ZNF831: variants seen among roughly 807,000 people sequenced by gnomAD.
The protein encoded by ZNF831 is chromosome 20 open reading frame 174.
In ZNF831, 59 loss-of-function variants were observed where a neutral mutation model predicts 95.8. The ratio of observed to expected loss-of-function variants is 0.62; its 90% confidence interval spans 0.50 to 0.77. The LOEUF is 0.77. Among genes scored for constraint, ZNF831 ranks in the 30% least tolerant of loss-of-function variants. The pLI is 0.00. For synonymous variants in ZNF831, 961 were observed against 925.5 expected (o/e 1.04, Z -0.70); for missense variants, 2,205 against 2,164.0 (o/e 1.02, Z -0.38).
intron 1 of ZNF831, among the ~76,000 whole-genome samples, chr20:59,175,397 G>A (rs1982070395): frequency 6.6e-6 from 1 of 151,846 alleles, no homozygotes; most frequent in South Asian, 2.1e-4. Context: ...AGTGCCATGG[G>A]TCCCTGAGGC....
intron 1 of ZNF831, among the ~76,000 whole-genome samples, chr20:59,190,224 A>G (rs1292926143): frequency 6.6e-6 from 1 of 152,226 alleles, no homozygotes; most frequent in African/African-American, 2.4e-5. Flanking sequence ...GATCAAATAC[A>G]GGATGCCCAG....
chr20:59,193,852 T>G lies in ZNF831; in HGVS notation c.2833T>G (p.Leu945Val), dbSNP rs925884993. ...CTTTTCCCCCAAGTACCTCCTCAGG[T>G]TACCTCAGGCAGAGACCCCCTTACC... ...NAFSPKYLLRLPQAETPLPLP... is the reference protein window; with the variant it reads ...NAFSPKYLLRVPQAETPLPLP... Residue 945 changes from leucine (L) to valine (V), a missense_variant, in exon 2 of 6, where the codon TTA becomes GTA. Transcript: ENST00000371030. 7 of 1,613,138 alleles carry G rather than the reference T, an allele frequency of 4.3e-6. No individual in the cohort carries two copies. The highest frequency in any genetic ancestry group is 5.9e-6 in the Non-Finnish European group (7 of 1,179,604).
rs915077014 is a variant in ZNF831 at position 59,157,514 on chromosome 20, G to C, written c.-1280-2138G>C. 2.0e-5 allele frequency among the ~76,000 whole-genome samples: 3 copies of C among 152,128 alleles called. No individual in the cohort carries two copies. In the East Asian group the frequency reaches 5.8e-4, roughly 29 times the overall value. On this transcript the variant is annotated intron_variant, in intron 2 of 7. Transcript: ENST00000637017. ...ACTTACAGTGAGAACATACTCAGAGGATAGACAGTGAGAAATAAAACCAGA... is the reference window on the plus strand; with the variant it reads ...ACTTACAGTGAGAACATACTCAGAGCATAGACAGTGAGAAATAAAACCAGA...
chr20:59,141,047 G>A (rs550688659), intron 1 of ZNF831, among the ~76,000 whole-genome samples: 3 of 152,056 alleles, frequency 2.0e-5, no homozygotes, highest in African/African-American at 7.2e-5. Context: ...TTATAGGTGC[G>A]CACCACCACA....
chr20:59,152,130 T>A (rs1980280906), intron 2 of ZNF831, among the ~76,000 whole-genome samples: 1 of 152,202 alleles, frequency 6.6e-6, no homozygotes, highest in Non-Finnish European at 1.5e-5. Context: ...TAGTTATTAG[T>A]CATTGCTGTT....
rs762875466 is a variant in ZNF831 at position 59,194,571 on chromosome 20, G to T, written c.3552G>T (p.Thr1184=). Residue 1184 remains threonine (T), a synonymous_variant, in exon 2 of 6, where the codon ACG becomes ACT. Coordinates refer to ENST00000371030, the MANE Select transcript of ZNF831 (RefSeq NM_178457.3). ...CACTGAAGGCTGAGCCGCGGCTCAC[G>T]TGGTGTTGCCTGAGCCGCAGTGTCC... ...FPSLKAEPRL[T]WCCLSRSVPL... is the part of the protein sequence containing the mutation. 1.2e-6 allele frequency: 2 copies of T among 1,608,218 alleles called. No homozygotes were observed. Among genetic ancestry groups the T allele is most frequent in the South Asian group, 1.1e-5 (1 of 90,310 alleles).
intron 3 of ZNF831, among the ~76,000 whole-genome samples, chr20:59,201,185 T>G (rs1217472754): frequency 1.3e-5 from 2 of 152,340 alleles, no homozygotes; most frequent in Middle Eastern, 3.4e-3. Flanking sequence ...TGAATAGTTA[T>G]GTAGTGGTAT....
chr20:59,200,943 T>C (rs567515833), intron 3 of ZNF831, among the ~76,000 whole-genome samples: 9 of 152,326 alleles, frequency 5.9e-5, no homozygotes, highest in African/African-American at 2.2e-4. Context: ...ACTATAAATA[T>C]TCATATGCAA....
chr20:59,191,620 C>G lies in ZNF831; in HGVS notation c.601C>G (p.Arg201Gly), dbSNP rs770129999. ...GACGCAGACGCACCTCAACAACTCC[C>G]GGCTGTCCTCAGAGTCCGAGGGCGC... is the stretch of plus-strand genomic sequence containing the variant. ...RRTQTHLNNSRLSSESEGAGG... is the reference protein window; with the variant it reads ...RRTQTHLNNSGLSSESEGAGG... The change falls in exon 2 of 6, where the codon CGG (arginine) becomes GGG (glycine). Residue 201 changes from arginine to glycine, a missense_variant. Physicochemically the swap from Arg to Gly is moderately radical, Grantham distance 125. Transcript: ENST00000371030. The G allele has an allele frequency of 8.8e-6, 14 of 1,586,294 alleles. No individual in the cohort carries two copies. The highest frequency in any genetic ancestry group is 1.3e-5 in the African/African-American group (1 of 74,358).
At chr20:59,180,400 C>T (rs573903983) in intron 1 of ZNF831, among the ~76,000 whole-genome samples, 9 of 152,106 alleles carry the variant, frequency 5.9e-5, no homozygotes, top group South Asian at 2.1e-4. Flanking sequence ...ATGTGCAGAA[C>T]GTGCAGGCTT....
intron 4 of ZNF831, among the ~76,000 whole-genome samples, chr20:59,249,467 A>G (rs1032116966): frequency 1.3e-5 from 2 of 152,020 alleles, no homozygotes; most frequent in African/African-American, 2.4e-5. Flanking sequence ...TCCCCATTAC[A>G]GTAGAAGCTC....
intron 4 of ZNF831, among the ~76,000 whole-genome samples, chr20:59,221,315 T>C (rs992972983): frequency 2.0e-5 from 3 of 152,200 alleles, no homozygotes. Context: ...TATGGTGCTC[T>C]TCCTGCCGGG....
At chr20:59,187,980 T>C (rs7264002) in intron 1 of ZNF831, among the ~76,000 whole-genome samples, 36,225 of 152,222 alleles carry the variant, frequency 0.24, 4,523 homozygotes, top group African/African-American at 0.28. Context: ...GCAAGCACTT[T>C]GTTGCTTTTT....
intron 4 of ZNF831, among the ~76,000 whole-genome samples, chr20:59,241,692 C>G (rs1231931705): frequency 6.6e-6 from 1 of 152,112 alleles, no homozygotes; most frequent in Non-Finnish European, 1.5e-5. Context: ...GTCCTCTTGT[C>G]TTAAACAGTA....
In ZNF831 at chr20:59,191,947, G is replaced by C. The variant is rs370225942; in HGVS notation, c.928G>C (p.Gly310Arg). 6.2e-7 allele frequency: 1 copy of C among 1,608,798 alleles called. No individual in the cohort carries two copies. The highest frequency in any genetic ancestry group is 8.5e-7 in the Non-Finnish European group (1 of 1,178,300). ...GCCAGAGCAGAAGTCGCCGACCGCC[G>C]GGAAGCCGTGCGCCCTGCAGCGGCA... Reference protein sequence around the residue: ...KLPEQKSPTAGKPCALQRQQA... With the variant: ...KLPEQKSPTARKPCALQRQQA... The change falls in exon 2 of 6, where the codon GGG (glycine) becomes CGG (arginine). Residue 310 changes from glycine (G) to arginine (R), a missense_variant. Coordinates refer to ENST00000371030, the MANE Select transcript of ZNF831 (RefSeq NM_178457.3).
chr20:59,171,217 G>T (rs1171206375), intron 1 of ZNF831, among the ~76,000 whole-genome samples: 1 of 152,170 alleles, frequency 6.6e-6, no homozygotes, highest in Non-Finnish European at 1.5e-5. Flanking sequence ...GCCCCTCCTG[G>T]AAACTGCAGG....
chr20:59,144,408 C>T (rs1472751313), intron 1 of ZNF831, among the ~76,000 whole-genome samples: 2 of 152,244 alleles, frequency 1.3e-5, no homozygotes, highest in African/African-American at 2.4e-5. Flanking sequence ...GTGGTGGAGG[C>T]GTCCTGGGCA....
chr20:59,132,942 G>A (rs1280330656), intron 1 of ZNF831, among the ~76,000 whole-genome samples: 1 of 152,270 alleles, frequency 6.6e-6, no homozygotes, highest in Admixed American at 6.5e-5. Context: ...CAACTGACCT[G>A]TTAGGGTATG....
At position 59,217,160 on chromosome 20, in the gene ZNF831, C is replaced by CTGTGTATGTGTG. The variant is rs1342165265; in HGVS notation, c.4027+10105_4027+10106insGTGTATGTGTGT. Among the ~76,000 whole-genome samples the CTGTGTATGTGTG allele has an allele frequency of 8.7e-6, 1 of 114,720 alleles. No homozygotes were observed. Among genetic ancestry groups the CTGTGTATGTGTG allele is most frequent in the African/African-American group, 4.5e-5 (1 of 22,268 alleles). 75.3% of individuals were successfully genotyped at this position (114,720 alleles called of 152,430 possible). ...TGGAGTACATCTGACAGATCTTCAT[C>CTGTGTATGTGTG]TCTGTGTGTGTGTGTGTGTGTGTGT... On this transcript the variant is annotated intron_variant, in intron 4 of 5. Transcript: ENST00000371030. The surrounding 1 kb of genome is among the most constrained non-coding windows in gnomAD (Gnocchi z 4.4).
Sources: gnomAD v4.1 joint callset for allele counts (sites outside exome capture counted in the v4.1 genomes callset) on GRCh38, gnomAD v4.1.1 for gene constraint, Gnocchi (gnomAD v3.1) non-coding constraint, MANE v1.5 for transcripts, NCBI Gene and HGNC (gene_info 2026-07-23, HGNC 2026-07-21) for gene names.